The following PDE2A variants were observed in gnomAD, a reference collection of about 807,000 sequenced individuals.
PDE2A encodes the protein cGMP-dependent 3',5'-cyclic phosphodiesterase.
A neutral mutation model predicts 133.6 loss-of-function variants in PDE2A; 53 were observed. The observed-to-expected ratio is 0.40, with a 90% CI of 0.32 to 0.50. PDE2A has a LOEUF of 0.50. PDE2A is among the 20% of genes least tolerant of loss of function. PDE2A has a pLI of 0.73. For missense variants in PDE2A, 796 were observed against 1,232.4 expected (o/e 0.65, Z 5.30); for synonymous variants, 491 against 490.2 (o/e 1.00, Z -0.02).
chr11:72,589,015 A>G, intron 12 of PDE2A, 101 bp from the exon 13 acceptor site: 2 of 1,348,326 alleles, frequency 1.5e-6, no homozygotes, highest in African/African-American at 1.4e-5. Context: ...TAAGGGACTC[A>G]TGCAAGGCTG....
intron 1 of PDE2A, among the ~76,000 whole-genome samples, chr11:72,649,701 A>G (rs80015116): frequency 0.02 from 3,113 of 152,244 alleles, 85 homozygotes; most frequent in African/African-American, 0.072. Flanking sequence ...GCACACTCCC[A>G]GGGACAGGGA....
At chr11:72,633,118 A>G (rs1858502669) in intron 2 of PDE2A, among the ~76,000 whole-genome samples, 2 of 152,148 alleles carry the variant, frequency 1.3e-5, no homozygotes, top group Non-Finnish European at 1.5e-5. Context: ...CGCCAGTTAG[A>G]GAACTGCTGC....
intron 1 of PDE2A, among the ~76,000 whole-genome samples, chr11:72,648,206 G>C (rs1481104528): frequency 6.6e-6 from 1 of 152,170 alleles, no homozygotes; most frequent in Non-Finnish European, 1.5e-5. Context: ...TTTGGGCCTG[G>C]TGCCTGGGAA....
chr11:72,613,058 GC>G (rs1857289076), intron 2 of PDE2A, among the ~76,000 whole-genome samples: 1 of 152,106 alleles, frequency 6.6e-6, no homozygotes, highest in Non-Finnish European at 1.5e-5. Flanking sequence ...GGAGCCACAA[GC>G]ACAAGACCAA....
rs534407392 is a variant in PDE2A at position 72,657,813 on chromosome 11, C to G, written c.72-15487G>C. 183 of 454,832 alleles carry G rather than the reference C, an allele frequency of 4.0e-4. 1 individual carries two copies. Among genetic ancestry groups the G allele is most frequent in the South Asian group, 7.9e-4 (51 of 64,508 alleles). The allele number at this position is 454,832 out of a possible 1,614,324, so 28.2% of individuals were successfully genotyped here. ...TCAGCCTCCCAACACCCTGGTAAAA[C>G]AAGCACAGACCTGCCCCCATCTGTT... On this transcript the variant is annotated intron_variant, in intron 1 of 30. Coordinates refer to ENST00000334456, the MANE Select transcript of PDE2A (RefSeq NM_002599.5).
intron 4 of PDE2A, chr11:72,598,426 G>A (rs1856584549): frequency 9.4e-7 from 1 of 1,064,494 alleles, no homozygotes; most frequent in Non-Finnish European, 1.3e-6. Flanking sequence ...GTTGGTATGG[G>A]AAGAATGAGT....
chr11:72,673,988 A>C, intron 1 of PDE2A, 149 bp downstream of exon 1: 2 of 739,240 alleles, frequency 2.7e-6, no homozygotes, highest in Non-Finnish European at 4.3e-6. Context: ...CAGTCTGGCA[A>C]CGCGGGGAGG....
At position 72,589,104 on chromosome 11, in the gene PDE2A, G is replaced by A. The variant is rs1856112669; in HGVS notation, c.939+71C>T. ...CCCATTCCTAGGCTGCTCTGTAACA[G>A]AGACCCTGGCTCTAGGGGCTGGCAG... On this transcript the variant is annotated intron_variant, in intron 12 of 30. Coordinates refer to ENST00000334456, the MANE Select transcript of PDE2A (RefSeq NM_002599.5). 2.1e-6 allele frequency: 3 copies of A among 1,409,426 alleles called. No homozygotes were observed. The South Asian group carries it at 3.6e-5, about 17-fold the overall frequency. 87.3% of individuals were successfully genotyped at this position (1,409,426 alleles called of 1,614,324 possible).
intron 1 of PDE2A, chr11:72,652,623 G>A (rs1363744406): frequency 2.2e-6 from 1 of 456,148 alleles, no homozygotes; most frequent in East Asian, 6.9e-5. Context: ...CACCTACTAA[G>A]TGCCAGATCT....
intron 1 of PDE2A, among the ~76,000 whole-genome samples, chr11:72,644,067 C>T (rs1190946550): frequency 6.6e-6 from 1 of 152,168 alleles, no homozygotes; most frequent in Non-Finnish European, 1.5e-5. Context: ...CACCTCCAGG[C>T]CTTTGCCCAT....
chr11:72,599,310 C>A (rs1241268840), intron 4 of PDE2A, among the ~76,000 whole-genome samples: 1 of 152,060 alleles, frequency 6.6e-6, no homozygotes, highest in Admixed American at 6.5e-5. Context: ...CCAGCCCTCA[C>A]TCATGAGCTC....
intron 2 of PDE2A, among the ~76,000 whole-genome samples, chr11:72,626,470 T>C (rs1858076110): frequency 6.6e-6 from 1 of 152,226 alleles, no homozygotes; most frequent in East Asian, 1.9e-4. Context: ...TGGCTCCTGA[T>C]GTGCAGAATC....
At chr11:72,617,017 G>A (rs2135385672) in intron 2 of PDE2A, among the ~76,000 whole-genome samples, 1 of 152,318 alleles carries the variant, frequency 6.6e-6, no homozygotes, top group Non-Finnish European at 1.5e-5. Flanking sequence ...GCTCTCATCT[G>A]GAGCCAGGAG....
chr11:72,617,328 G>A (rs972314649), intron 2 of PDE2A, among the ~76,000 whole-genome samples: 12 of 152,292 alleles, frequency 7.9e-5, no homozygotes, highest in African/African-American at 2.9e-4. Context: ...TGGATGGCGG[G>A]AGGCAAGCCC....
chr11:72,597,388 C>T lies in PDE2A; in HGVS notation c.433+122G>A, dbSNP rs140086972. 120 of 619,448 alleles carry T rather than the reference C, an allele frequency of 1.9e-4. No homozygotes were observed. Among genetic ancestry groups the T allele is most frequent in the African/African-American group, 1.9e-3 (103 of 54,770 alleles). The allele number at this position is 619,448 out of a possible 1,614,324, so 38.4% of individuals were successfully genotyped here. A position where few individuals can be genotyped will look rare whatever the true frequency, so the allele number is the denominator to read the frequency against. On this transcript the variant is annotated intron_variant, in intron 5 of 30. Coordinates refer to ENST00000334456, the MANE Select transcript of PDE2A (RefSeq NM_002599.5). This position sits in a 1 kb window ranked among gnomAD's most constrained non-coding sequence, Gnocchi z 4.6. ...TTAGATGGAGGGACTGCTAGAGACA[C>T]AGAGCAAGAGAAAGAAGGAGACAGA...
At chr11:72,659,836 T>C (rs1855001085) in intron 1 of PDE2A, among the ~76,000 whole-genome samples, 1 of 152,106 alleles carries the variant, frequency 6.6e-6, no homozygotes, top group South Asian at 2.1e-4. Context: ...TATGGGTTTC[T>C]GAAGCCACCA....
chr11:72,648,546 C>T lies in PDE2A; in HGVS notation c.72-6220G>A, dbSNP rs190997287. ...TGTAGGGTGGGTCAGCCACAGGCCT[C>T]ATCCATTTTCATGTGATTTGCATGC... On this transcript the variant is annotated intron_variant, in intron 1 of 30. Coordinates refer to ENST00000334456, the MANE Select transcript of PDE2A (RefSeq NM_002599.5). Among the ~76,000 whole-genome samples the T allele has an allele frequency of 9.2e-3, 1,394 of 152,274 alleles. 11 individuals carry two copies. Among genetic ancestry groups the T allele is most frequent in the Non-Finnish European group, 0.013 (915 of 68,000 alleles).
intron 2 of PDE2A, among the ~76,000 whole-genome samples, chr11:72,612,742 T>C (rs1415062532): frequency 6.6e-6 from 1 of 151,746 alleles, no homozygotes; most frequent in Admixed American, 6.6e-5. Context: ...GGTGGGTAGA[T>C]GGATAGATGG....
rs1856522281 is a variant in PDE2A at position 72,597,048 on chromosome 11, G to T, written c.434-400C>A. Among the ~76,000 whole-genome samples, 1 of 152,164 alleles carries T rather than the reference G, an allele frequency of 6.6e-6. No individual in the cohort carries two copies. The highest frequency in any genetic ancestry group is 2.4e-5 in the African/African-American group (1 of 41,430). ...ACTTTCCACATCGAGACAGAGGACA[G>T]AGACCTAGAGAGACTGAGACACGAG... On this transcript the variant is annotated intron_variant, in intron 5 of 30. Coordinates refer to ENST00000334456, the MANE Select transcript of PDE2A (RefSeq NM_002599.5). This position sits in a 1 kb window ranked among gnomAD's most constrained non-coding sequence, Gnocchi z 4.6.
Sources: gnomAD v4.1 joint callset for allele counts (sites outside exome capture counted in the v4.1 genomes callset) on GRCh38, gnomAD v4.1.1 for gene constraint, Gnocchi (gnomAD v3.1) non-coding constraint, MANE v1.5 for transcripts, NCBI Gene and HGNC (gene_info 2026-07-23, HGNC 2026-07-21) for gene names.